TTLL3: variants seen among roughly 807,000 people sequenced by gnomAD.
TTLL3 encodes tubulin monoglycylase TTLL3.
In TTLL3, 63 loss-of-function variants were observed where a neutral mutation model predicts 75.2. That is an observed-to-expected ratio of 0.84 (90% CI 0.68 to 1.03). TTLL3 has a LOEUF of 1.03. Among genes scored for constraint, TTLL3 ranks in the 50% least tolerant of loss-of-function variants. TTLL3 has a pLI of 0.00. For synonymous variants in TTLL3, 393 were observed against 418.5 expected (o/e 0.94, Z 0.74); for missense variants, 997 against 1,069.9 (o/e 0.93, Z 0.95).
intron 8 of TTLL3, 127 bp from the exon 9 acceptor site, chr3:9,825,673 T>A: frequency 6.4e-7 from 1 of 1,552,346 alleles, no homozygotes; most frequent in Non-Finnish European, 8.8e-7. Context: ...CCTATGGATA[T>A]CTGCAGGGAG....
At chr3:9,815,794 T>C (rs1431260835) in intron 4 of TTLL3, among the ~76,000 whole-genome samples, 2 of 152,240 alleles carry the variant, frequency 1.3e-5, no homozygotes, top group East Asian at 1.9e-4. Flanking sequence ...ACAAGCCTCA[T>C]AGGACACCTT....
chr3:9,810,744 C>T lies in TTLL3; in HGVS notation c.48+35C>T, dbSNP rs557694708. 97 of 1,555,868 alleles carry T rather than the reference C, an allele frequency of 6.2e-5. 1 individual carries two copies. The South Asian group carries it at 1.1e-3, about 17-fold the overall frequency. On this transcript the variant is annotated intron_variant, in intron 2 of 13. Transcript: ENST00000685419. The surrounding 1 kb of genome is among the most constrained non-coding windows in gnomAD (Gnocchi z 4.4). ...GGGGCAGGGGCGCTTAGAAAGGGCC[C>T]TGGGAGCGGCTCAGCCTGTCTCCCT...
Position 9,835,306 on chromosome 3 carries a change from C to T in TTLL3, c.2265C>T (p.Arg755=), listed in dbSNP as rs370424736. The T allele has an allele frequency of 1.2e-6, 2 of 1,614,194 alleles. No individual in the cohort carries two copies. The highest frequency in any genetic ancestry group is 1.7e-6 in the Non-Finnish European group (2 of 1,180,032). ...PLPLVGTFQR[R]RGLGDMKLGK... is the part of the protein sequence containing the mutation. ...CCCTTGTTGGTACATTCCAGAGGCGCAGGGGCCTGGGGGATATGAAGCTAG... is the reference window on the plus strand; with the variant it reads ...CCCTTGTTGGTACATTCCAGAGGCGTAGGGGCCTGGGGGATATGAAGCTAG... Residue 755 remains arginine, a synonymous_variant, in exon 14 of 14, where the codon CGC becomes CGT. Transcript: ENST00000685419.
chr3:9,831,057 T>C (rs897510240), intron 11 of TTLL3, among the ~76,000 whole-genome samples: 2 of 152,178 alleles, frequency 1.3e-5, no homozygotes, highest in African/African-American at 4.8e-5. Flanking sequence ...CGCCTCGGCC[T>C]CCCAAAATGC....
intron 6 of TTLL3, 55 bp from the exon 7 acceptor site, chr3:9,818,767 C>T (rs2080129935): frequency 6.2e-7 from 1 of 1,612,718 alleles, no homozygotes; most frequent in South Asian, 1.1e-5. Context: ...GTTCTGGAAC[C>T]AGAACAGGCC....
At chr3:9,811,810 C>T (rs779005482) in intron 2 of TTLL3, among the ~76,000 whole-genome samples, 4 of 152,240 alleles carry the variant, frequency 2.6e-5, no homozygotes, top group Non-Finnish European at 5.9e-5. Flanking sequence ...CTCTCTCCAG[C>T]CTCAAGGCCT....
At chr3:9,811,437 C>T (rs2079344340) in intron 2 of TTLL3, among the ~76,000 whole-genome samples, 2 of 152,212 alleles carry the variant, frequency 1.3e-5, no homozygotes, top group Non-Finnish European at 2.9e-5. Flanking sequence ...CTAATTCCAT[C>T]AGCAAAACCA....
chr3:9,821,627 T>G (rs2080416895), intron 8 of TTLL3, among the ~76,000 whole-genome samples: 1 of 152,230 alleles, frequency 6.6e-6, no homozygotes, highest in Non-Finnish European at 1.5e-5. Flanking sequence ...GCATCTTTTC[T>G]AAATGCCAGG....
Position 9,820,666 on chromosome 3 carries a change from A to G in TTLL3, c.779A>G (p.Lys260Arg). ...LSNLAHMDID[K>R]DLEAPLYLTP... ...AACTTGGCCCACATGGACATCGACA[A>G]GGACCTGGAGGCCCCGCTGTACCTC... The change falls in exon 8 of 14, where the codon AAG becomes AGG. Residue 260 changes from lysine (K) to arginine (R), a missense_variant. Physicochemically the swap from Lys to Arg is conservative, Grantham distance 26. Transcript: ENST00000685419. 6.2e-7 allele frequency: 1 copy of G among 1,614,172 alleles called. No homozygotes were observed. Among genetic ancestry groups the G allele is most frequent in the Non-Finnish European group, 8.5e-7 (1 of 1,180,020 alleles).
Position 9,813,091 on chromosome 3 carries a change from A to T in TTLL3, c.197A>T (p.Asp66Val). ...GATCTGGATAGCTCAGCGATGGGTG[A>T]CAGTGACACCACTGAGGATGGTGAG... ...QKDLDSSAMG[D>V]SDTTEDEDED... The change falls in exon 3 of 14, where the codon GAC becomes GTC. Residue 66 changes from aspartate to valine, a missense_variant. By Grantham distance (152) the Asp-to-Val change is radical. Coordinates refer to ENST00000685419, the MANE Select transcript of TTLL3 (RefSeq NM_001387446.1). The T allele has an allele frequency of 1.3e-6, 2 of 1,580,406 alleles. No homozygotes were observed.
chr3:9,813,020 G>C lies in TTLL3; in HGVS notation c.126G>C (p.Lys42Asn), dbSNP rs766165173. The C allele has an allele frequency of 6.3e-7, 1 of 1,583,348 alleles. No individual in the cohort carries two copies. The highest frequency in any genetic ancestry group is 1.1e-5 in the South Asian group (1 of 87,466). The change falls in exon 3 of 14, where the codon AAG becomes AAC. Residue 42 changes from lysine (K) to asparagine (N), a missense_variant. Transcript: ENST00000685419. ...CLLRRRGWVE[K>N]KMVHRSGPTL... ...TGCGCCGGAGGGGCTGGGTGGAGAA[G>C]AAGATGGTCCATCGCTCAGGCCCCA...
chr3:9,828,866 G>C (rs2081288169), intron 10 of TTLL3, 94 bp from the exon 11 acceptor site: 1 of 1,515,438 alleles, frequency 6.6e-7, no homozygotes. Flanking sequence ...GTGCAGGGTG[G>C]CCCAGGGCTG....
At chr3:9,832,596 C>T (rs1287289866) in intron 11 of TTLL3, among the ~76,000 whole-genome samples, 2 of 152,196 alleles carry the variant, frequency 1.3e-5, no homozygotes, top group Admixed American at 1.3e-4. Context: ...CTGGACCCTT[C>T]TCTCTGCCTT....
At chr3:9,813,457 C>A (rs1184486388) in intron 4 of TTLL3, 112 bp downstream of exon 4, 2 of 1,245,652 alleles carry the variant, frequency 1.6e-6, no homozygotes, top group East Asian at 2.5e-5. Flanking sequence ...GCCACAGTTT[C>A]CCTATCTGTA....
At chr3:9,819,169 TCCCA>T (rs770448088) in intron 7 of TTLL3, 2 of 530,472 alleles carry the variant, frequency 3.8e-6, no homozygotes, top group Non-Finnish European at 6.7e-6. Flanking sequence ...CCTTCCATCC[TCCCA>T]CCTGTCACCC....
chr3:9,830,601 G>A (rs1234302479), intron 11 of TTLL3, among the ~76,000 whole-genome samples: 3 of 152,110 alleles, frequency 2.0e-5, no homozygotes, highest in Non-Finnish European at 4.4e-5. Flanking sequence ...TGTAAACGGG[G>A]AAATACATGG....
In TTLL3 at chr3:9,827,076, G is replaced by A. The variant is rs765670603; in HGVS notation, c.1083G>A (p.Trp361Ter). Residue 361 changes from tryptophan to a stop codon, truncating the protein, a stop_gained, in exon 10 of 14, where the codon TGG (tryptophan) becomes TGA (stop). Transcript: ENST00000685419. LOFTEE classifies it high-confidence loss of function. ...CCGTGGTGATGAAGGACGGCAAGTGGGTGGTGCAGAAGTATATTGAGCGGC... is the reference window on the plus strand; with the variant it reads ...CCGTGGTGATGAAGGACGGCAAGTGAGTGGTGCAGAAGTATATTGAGCGGC... ...GNPVVMKDGK[W>*]VVQKYIERPL... The A allele has an allele frequency of 3.1e-6, 5 of 1,614,088 alleles. No individual in the cohort carries two copies. The East Asian group carries it at 8.9e-5, about 29-fold the overall frequency.
At chr3:9,822,769 A>G (rs527964650) in intron 8 of TTLL3, among the ~76,000 whole-genome samples, 547 of 143,966 alleles carry the variant, frequency 3.8e-3, no homozygotes, top group Non-Finnish European at 4.9e-3. Flanking sequence ...TACATAATAT[A>G]TACATATATA....
At chr3:9,827,573 T>G in intron 10 of TTLL3, 1 of 279,502 alleles carries the variant, frequency 3.6e-6, no homozygotes, top group South Asian at 4.3e-5. Flanking sequence ...TTTTTAAGTT[T>G]TTTAATGTAG....
Sources: allele counts gnomAD v4.1 joint callset (sites outside exome capture counted in the v4.1 genomes callset), GRCh38; gene constraint gnomAD v4.1.1; non-coding constraint Gnocchi (gnomAD v3.1); transcripts MANE v1.5; gene names NCBI Gene and HGNC (gene_info 2026-07-23, HGNC 2026-07-21).